Variants in TPRG1 observed in about 807,000 individuals in gnomAD.
The protein encoded by TPRG1 is tumor protein p63 regulated 1, also known as tumor protein p63-regulated gene 1 protein.
In TPRG1, 29 loss-of-function variants were observed where a neutral mutation model predicts 29.3. That is an observed-to-expected ratio of 0.99 (90% CI 0.74 to 1.35). The LOEUF is 1.35. TPRG1 is among the 40% of genes most tolerant of loss of function. The pLI is 0.00. For missense variants in TPRG1, 327 were observed against 335.0 expected (o/e 0.98, Z 0.19); for synonymous variants, 130 against 116.8 (o/e 1.11, Z -0.73).
At chr3:189,310,612 T>G (rs1328946201) in intron 5 of TPRG1, 73 bp downstream of exon 5, 1 of 885,340 alleles carries the variant, frequency 1.1e-6, no homozygotes, top group East Asian at 2.9e-5. Context: ...GGACGTGTAC[T>G]CCTAAACAAA....
chr3:189,315,906 G>T (rs1448549643), intron 5 of TPRG1, among the ~76,000 whole-genome samples: 1 of 152,188 alleles, frequency 6.6e-6, no homozygotes, highest in Non-Finnish European at 1.5e-5. Flanking sequence ...GAGCCCAAAA[G>T]TGGGAACAGA....
At chr3:189,316,504 A>G (rs912027629) in intron 5 of TPRG1, among the ~76,000 whole-genome samples, 1 of 152,140 alleles carries the variant, frequency 6.6e-6, no homozygotes, top group Non-Finnish European at 1.5e-5. Flanking sequence ...TGGTCTCTTT[A>G]CCCAGTGTAA....
chr3:189,272,017 C>T (rs1715226918), intron 4 of TPRG1, among the ~76,000 whole-genome samples: 1 of 152,168 alleles, frequency 6.6e-6, no homozygotes, highest in South Asian at 2.1e-4. Context: ...CGCTGATGCC[C>T]CAATCCATTT....
chr3:189,294,788 C>T (rs1719606806), intron 4 of TPRG1, among the ~76,000 whole-genome samples: 1 of 144,244 alleles, frequency 6.9e-6, no homozygotes, highest in Non-Finnish European at 1.5e-5. Context: ...CCTTTAATTA[C>T]ACAACCCTTA....
intron 3 of TPRG1, among the ~76,000 whole-genome samples, chr3:189,234,495 T>C (rs1466009529): frequency 6.6e-6 from 1 of 152,242 alleles, no homozygotes; most frequent in African/African-American, 2.4e-5. Context: ...TTCTGTATCC[T>C]GCTCTTTCTC....
intron 1 of TPRG1, among the ~76,000 whole-genome samples, chr3:189,181,932 T>G (rs1730281822): frequency 6.6e-6 from 1 of 152,156 alleles, no homozygotes; most frequent in Admixed American, 6.6e-5. Context: ...ACAATCATGG[T>G]GGAAGGCAAG....
intron 4 of TPRG1, among the ~76,000 whole-genome samples, chr3:189,277,923 G>A (rs1716444169): frequency 6.6e-6 from 1 of 152,182 alleles, no homozygotes; most frequent in Non-Finnish European, 1.5e-5. Flanking sequence ...ACAAACTTCT[G>A]TTTTTACAAA....
At chr3:189,058,002 A>C in intron 4 of TPRG1, among the ~76,000 whole-genome samples, 1 of 151,774 alleles carries the variant, frequency 6.6e-6, no homozygotes, top group South Asian at 2.1e-4. Flanking sequence ...TATTATGCTG[A>C]ATATTAACAT....
intron 4 of TPRG1, among the ~76,000 whole-genome samples, chr3:189,078,142 CTTT>C (rs1340953933): frequency 2.0e-5 from 1 of 49,434 alleles, no homozygotes; most frequent in African/African-American, 6.4e-5. Flanking sequence ...TCTTTCCTTT[CTTT>C]TTTTTTTTTT....
At chr3:189,074,588 T>C (rs1052577257) in intron 4 of TPRG1, among the ~76,000 whole-genome samples, 6 of 152,308 alleles carry the variant, frequency 3.9e-5, no homozygotes, top group African/African-American at 1.4e-4. Flanking sequence ...TTATTCTCTA[T>C]GCTTCTTAAT....
At chr3:189,073,011 C>T (rs1046299633) in intron 4 of TPRG1, among the ~76,000 whole-genome samples, 2 of 152,084 alleles carry the variant, frequency 1.3e-5, no homozygotes, top group African/African-American at 4.8e-5. Context: ...ATGATCTTAT[C>T]TTGTGCTTTC....
chr3:189,274,728 C>T (rs1298156533), intron 4 of TPRG1, among the ~76,000 whole-genome samples: 1 of 152,132 alleles, frequency 6.6e-6, no homozygotes, highest in Non-Finnish European at 1.5e-5. Flanking sequence ...AAAGGTGAGG[C>T]TTGTCCCTCA....
chr3:189,212,278 A>G (rs549242328), intron 2 of TPRG1: 2 of 152,238 alleles, frequency 1.3e-5, no homozygotes, highest in East Asian at 1.9e-4. Context: ...TCTGTGTTCT[A>G]TTGTGAGCAA....
chr3:189,221,862 C>G (rs1415195050), intron 3 of TPRG1, among the ~76,000 whole-genome samples: 1 of 152,188 alleles, frequency 6.6e-6, no homozygotes, highest in East Asian at 1.9e-4. Context: ...GATTAAATGA[C>G]CTGCCGAAGG....
chr3:189,223,646 A>T (rs1362356628), intron 3 of TPRG1, among the ~76,000 whole-genome samples: 1 of 152,200 alleles, frequency 6.6e-6, no homozygotes, highest in African/African-American at 2.4e-5. Flanking sequence ...AAGAGGTGAA[A>T]GGAGTCTAAT....
At chr3:189,308,362 T>C (rs1721940844) in intron 4 of TPRG1, among the ~76,000 whole-genome samples, 1 of 152,198 alleles carries the variant, frequency 6.6e-6, no homozygotes, top group African/African-American at 2.4e-5. Flanking sequence ...AAATAAAGTA[T>C]TTCTGGTCAT....
chr3:189,311,742 G>A (rs1402363017), intron 5 of TPRG1, among the ~76,000 whole-genome samples: 1 of 152,110 alleles, frequency 6.6e-6, no homozygotes, highest in East Asian at 1.9e-4. Flanking sequence ...TATGGATCAT[G>A]TTGCCACTCT....
intron 4 of TPRG1, among the ~76,000 whole-genome samples, chr3:189,085,342 A>G (rs1717859151): frequency 1.3e-5 from 2 of 152,332 alleles, no homozygotes; most frequent in African/African-American, 2.4e-5. Context: ...TTTGCAAGAC[A>G]TGCAATTCAT....
chr3:189,119,213 T>G (rs1162967667), intron 1 of TPRG1, among the ~76,000 whole-genome samples: 1 of 152,226 alleles, frequency 6.6e-6, no homozygotes, highest in Non-Finnish European at 1.5e-5. Context: ...CTGTGGAGTT[T>G]CAGACTTGCA....
Sources: allele counts gnomAD v4.1 joint callset (sites outside exome capture counted in the v4.1 genomes callset), GRCh38; gene constraint gnomAD v4.1.1; transcripts MANE v1.5; gene names NCBI Gene and HGNC (gene_info 2026-07-23, HGNC 2026-07-21).